The following MYOM2 variants were observed in gnomAD, a reference collection of about 807,000 sequenced individuals.
MYOM2 encodes the protein myomesin 2.
Under a neutral mutation model 187.6 loss-of-function variants are expected in MYOM2, and 254 were observed. That is an observed-to-expected ratio of 1.35 (90% confidence interval 1.22 to 1.50). The LOEUF is 1.50. Among genes scored for constraint, MYOM2 ranks in the 40% most tolerant of loss-of-function variants. MYOM2 has a pLI of 0.00. For synonymous variants in MYOM2, 981 were observed against 753.8 expected (o/e 1.30, Z -4.94); for missense variants, 2,796 against 1,924.0 (o/e 1.45, Z -8.48).
intron 31 of MYOM2, among the ~76,000 whole-genome samples, chr8:2,128,079 A>G (rs923021850): frequency 1.3e-5 from 2 of 152,198 alleles, no homozygotes; most frequent in Non-Finnish European, 1.5e-5. Context: ...TTCACTTTAA[A>G]AAATAATTAC....
chr8:2,123,337 G>A lies in MYOM2; in HGVS notation c.3539G>A (p.Arg1180Lys). Residue 1180 changes from arginine to lysine, a missense_variant, in exon 29 of 37, where the codon AGG (arginine) becomes AAG (lysine). By Grantham distance (26) the Arg-to-Lys change is conservative. Coordinates refer to ENST00000262113, the MANE Select transcript of MYOM2 (RefSeq NM_003970.4). ...YETETLPNLE[R>K]GICELLIPKL... Reference sequence around the variant, plus strand: ...ACGGAGACACTGCCTAACCTGGAGAGGGGAATCTGTGAGCTCCTCATCCCA... The same window carrying A: ...ACGGAGACACTGCCTAACCTGGAGAAGGGAATCTGTGAGCTCCTCATCCCA... 6 of 1,613,852 alleles carry A rather than the reference G, an allele frequency of 3.7e-6. No individual in the cohort carries two copies. The highest frequency in any genetic ancestry group is 5.1e-6 in the Non-Finnish European group (6 of 1,179,898).
intron 31 of MYOM2, 33 bp downstream of exon 31, chr8:2,124,250 TG>T (rs774773357): frequency 6.3e-7 from 1 of 1,594,378 alleles, no homozygotes; most frequent in East Asian, 2.2e-5. Flanking sequence ...TCAAGTCATT[TG>T]GGGTGCTGAA....
In MYOM2 at chr8:2,117,836, G is replaced by A. The variant is rs181555622; in HGVS notation, c.3386-49G>A. On this transcript the variant is annotated intron_variant, in intron 27 of 36. Transcript: ENST00000262113. ...ATATATAATAGCTATATATTTATTT[G>A]TTTACTTTTTCCTTTTTTATATGTT... The A allele has an allele frequency of 8.3e-4, 1,132 of 1,360,396 alleles. 2 individuals are homozygous for A. Among genetic ancestry groups the A allele is most frequent in the Admixed American group, 2.0e-3 (112 of 54,816 alleles). 84.3% of individuals were successfully genotyped at this position (1,360,396 alleles called of 1,614,324 possible). A position where few individuals can be genotyped will look rare whatever the true frequency, so the allele number is the denominator to read the frequency against.
intron 14 of MYOM2, among the ~76,000 whole-genome samples, 159 bp downstream of exon 14, chr8:2,085,549 TG>T (rs1819823604): frequency 5.8e-5 from 2 of 34,710 alleles, no homozygotes; most frequent in Non-Finnish European, 9.6e-5. Flanking sequence ...GTGGCCCCAC[TG>T]TCATGATCTC....
At chr8:2,097,093 A>G in intron 18 of MYOM2, 1 of 980,422 alleles carries the variant, frequency 1.0e-6, no homozygotes, top group Non-Finnish European at 1.2e-6. Context: ...GGAGCCACAG[A>G]CCTCAGGGGA....
chr8:2,098,758 C>T (rs1005536823), intron 18 of MYOM2, 99 bp from the exon 19 acceptor site: 19 of 1,304,816 alleles, frequency 1.5e-5, no homozygotes, highest in Non-Finnish European at 1.8e-5. Flanking sequence ...TCCTTCCTCT[C>T]ATATTTTATT....
chr8:2,050,959 G>T (rs1244076728), intron 2 of MYOM2, 86 bp downstream of exon 2: 2 of 1,060,584 alleles, frequency 1.9e-6, no homozygotes, highest in Non-Finnish European at 2.8e-6. Flanking sequence ...CGTCAGCCCT[G>T]GAGAGGCACT....
chr8:2,135,343 C>A (rs1798031626), intron 32 of MYOM2, among the ~76,000 whole-genome samples: 1 of 152,134 alleles, frequency 6.6e-6, no homozygotes, highest in South Asian at 2.1e-4. Context: ...GTAAGCAATT[C>A]ATTTGCAACA....
chr8:2,138,653 C>T (rs768887972), intron 32 of MYOM2, among the ~76,000 whole-genome samples: 1 of 152,314 alleles, frequency 6.6e-6, no homozygotes, highest in East Asian at 1.9e-4. Flanking sequence ...CGAACTCGCT[C>T]CCACATCGGC....
intron 18 of MYOM2, chr8:2,096,974 A>G: frequency 4.0e-6 from 1 of 246,986 alleles, no homozygotes; most frequent in Non-Finnish European, 6.5e-6. Context: ...TCAGATCCAG[A>G]CACCCCCTTG....
chr8:2,067,028 G>A lies in MYOM2; in HGVS notation c.654-2250G>A, dbSNP rs28496387. ...GTGATCTGTCCCTTGAGCAACGGCA[G>A]TTAGGGAGGTCAGATGGTTTTATCT... On this transcript the variant is annotated intron_variant, in intron 6 of 36. Transcript: ENST00000262113. 9.3e-3 allele frequency among the ~76,000 whole-genome samples: 1,409 copies of A among 152,324 alleles called. 11 individuals are homozygous for A. The highest frequency in any genetic ancestry group is 0.013 in the Non-Finnish European group (876 of 68,026).
chr8:2,075,266 C>T (rs955170149), intron 10 of MYOM2, among the ~76,000 whole-genome samples: 2 of 152,138 alleles, frequency 1.3e-5, no homozygotes, highest in Non-Finnish European at 2.9e-5. Flanking sequence ...CCGTCTTCTG[C>T]ATGTGCCTGC....
At chr8:2,110,183 C>T (rs1004835089) in intron 25 of MYOM2, among the ~76,000 whole-genome samples, 1 of 152,140 alleles carries the variant, frequency 6.6e-6, no homozygotes, top group Non-Finnish European at 1.5e-5. Flanking sequence ...ATTAGTTGGG[C>T]ATGGTGATGC....
rs982629736 is a variant in MYOM2, at chr8:2,099,118, C to A, written c.2440+135C>A. On this transcript the variant is annotated intron_variant, in intron 19 of 36. Coordinates refer to ENST00000262113, the MANE Select transcript of MYOM2 (RefSeq NM_003970.4). Reference sequence around the variant, plus strand: ...CCGACACCCGCAGCCGCAGAGCCACCGTGCGCCAGGCGCCGTGCAGGGCTG... The same window carrying A: ...CCGACACCCGCAGCCGCAGAGCCACAGTGCGCCAGGCGCCGTGCAGGGCTG... 11 of 1,226,840 alleles carry A rather than the reference C, an allele frequency of 9.0e-6. No individual in the cohort carries two copies. In the East Asian group the frequency reaches 2.8e-4, roughly 32 times the overall value. 76.0% of individuals were successfully genotyped at this position (1,226,840 alleles called of 1,614,324 possible).
rs778302508 is a variant in MYOM2, at chr8:2,140,832, G to C, written c.3910G>C (p.Glu1304Gln). The stretch of plus-strand genomic sequence containing the variant: ...GAAGGATAAAGGAAAATACACTTTT[G>C]AGATTTTCGATGGCAAAGACAACCA... ...TEKDKGKYTF[E>Q]IFDGKDNHQR... The change falls in exon 33 of 37, where the codon GAG (glutamate) becomes CAG (glutamine). Residue 1304 changes from glutamate (E) to glutamine (Q), a missense_variant. Glu to Gln is a conservative substitution (Grantham distance 29, BLOSUM62 2). Coordinates refer to ENST00000262113, the MANE Select transcript of MYOM2 (RefSeq NM_003970.4). 18 of 1,614,096 alleles carry C rather than the reference G, an allele frequency of 1.1e-5. No individual in the cohort carries two copies. The South Asian group carries it at 1.9e-4, about 17-fold the overall frequency.
chr8:2,113,224 G>A (rs373678173), intron 25 of MYOM2, among the ~76,000 whole-genome samples: 11 of 152,244 alleles, frequency 7.2e-5, no homozygotes, highest in African/African-American at 2.4e-4. Context: ...CGACGCCATC[G>A]TGCCTTGCAT....
At chr8:2,134,232 C>G (rs569287176) in intron 32 of MYOM2, among the ~76,000 whole-genome samples, 1 of 152,164 alleles carries the variant, frequency 6.6e-6, no homozygotes, top group East Asian at 1.9e-4. Flanking sequence ...TCCCCCCTGT[C>G]TAGGACAGTT....
At chr8:2,094,893 C>A (rs550063883) in intron 17 of MYOM2, among the ~76,000 whole-genome samples, 1 of 152,280 alleles carries the variant, frequency 6.6e-6, no homozygotes, top group African/African-American at 2.4e-5. Flanking sequence ...AGAACAGTTG[C>A]TGTATCAAGC....
At chr8:2,108,036 G>C (rs1257421217) in intron 23 of MYOM2, among the ~76,000 whole-genome samples, 3 of 152,174 alleles carry the variant, frequency 2.0e-5, no homozygotes, top group Non-Finnish European at 4.4e-5. Context: ...TCCTCCCTGT[G>C]AAACCAGTTG....
Sources: allele counts gnomAD v4.1 joint callset (sites outside exome capture counted in the v4.1 genomes callset), GRCh38; gene constraint gnomAD v4.1.1; transcripts MANE v1.5; gene names NCBI Gene and HGNC (gene_info 2026-07-23, HGNC 2026-07-21).